The following ENTREP2 variants were observed in gnomAD, a reference collection of about 807,000 sequenced individuals.
The protein encoded by ENTREP2 is endosomal transmembrane epsin interactor 2.
At chr15:29,626,977 C>A in the ENTREP2 span, among the ~76,000 whole-genome samples, 7,264 of 152,214 alleles carry the variant, frequency 0.048, 194 homozygotes, top group Middle Eastern at 0.065. Flanking sequence ...AAAGAGCCAG[C>A]TTTTTCTTTG....
At chr15:29,436,766 G>T in the ENTREP2 span, among the ~76,000 whole-genome samples, 1 of 152,180 alleles carries the variant, frequency 6.6e-6, no homozygotes, top group Non-Finnish European at 1.5e-5. Context: ...ATCATGAAGA[G>T]AAACCAATAA....
the ENTREP2 span, among the ~76,000 whole-genome samples, chr15:29,164,767 T>G: frequency 6.6e-6 from 1 of 152,238 alleles, no homozygotes; most frequent in Non-Finnish European, 1.5e-5. Flanking sequence ...ACTAGGCAAG[T>G]CATCAAGACA....
chr15:29,485,428 A>G, the ENTREP2 span, among the ~76,000 whole-genome samples: 1 of 152,174 alleles, frequency 6.6e-6, no homozygotes, highest in Non-Finnish European at 1.5e-5. Context: ...AGGCTGCTGA[A>G]GGACTGATTC....
the ENTREP2 span, among the ~76,000 whole-genome samples, chr15:29,263,758 C>T: frequency 6.6e-6 from 1 of 152,154 alleles, no homozygotes; most frequent in Non-Finnish European, 1.5e-5. Flanking sequence ...TTCCCATAGG[C>T]ATGAGCAAAC....
chr15:29,401,091 A>C, the ENTREP2 span, among the ~76,000 whole-genome samples: 14 of 152,336 alleles, frequency 9.2e-5, no homozygotes, highest in African/African-American at 3.1e-4. Context: ...CCCAAAGTGG[A>C]GCCACCCCAG....
the ENTREP2 span, among the ~76,000 whole-genome samples, chr15:29,164,368 A>T: frequency 6.6e-6 from 1 of 152,200 alleles, no homozygotes; most frequent in Non-Finnish European, 1.5e-5. Context: ...AATGGCCTAA[A>T]TGCTCTACTT....
chr15:29,425,199 G>GTTT, the ENTREP2 span, among the ~76,000 whole-genome samples: 352 of 133,168 alleles, frequency 2.6e-3, no homozygotes, highest in African/African-American at 7.0e-3. Flanking sequence ...CAGGTTTTTT[G>GTTT]TTTTTTTTTT....
chr15:29,301,739 T>C, the ENTREP2 span, among the ~76,000 whole-genome samples: 1 of 151,934 alleles, frequency 6.6e-6, no homozygotes, highest in Non-Finnish European at 1.5e-5. Flanking sequence ...TATTAAGAGG[T>C]GAGGTCTTTG....
At chr15:29,540,123 T>A in the ENTREP2 span, among the ~76,000 whole-genome samples, 2 of 152,142 alleles carry the variant, frequency 1.3e-5, no homozygotes, top group South Asian at 2.1e-4. Flanking sequence ...TCTGGGACCC[T>A]TATCCACAGT....
At chr15:29,630,988 AAATTTTATTTCTCT>A in the ENTREP2 span, among the ~76,000 whole-genome samples, 1 of 152,184 alleles carries the variant, frequency 6.6e-6, no homozygotes, top group Non-Finnish European at 1.5e-5. Context: ...TAGATTGAGT[AAATTTTATTTCTCT>A]ATTCTCACAT....
the ENTREP2 span, among the ~76,000 whole-genome samples, chr15:29,249,703 G>A: frequency 1.4e-4 from 22 of 152,198 alleles, no homozygotes; most frequent in African/African-American, 3.1e-4. Context: ...CACTGAACAG[G>A]TGTATTAGTC....
the ENTREP2 span, among the ~76,000 whole-genome samples, chr15:29,534,262 G>C: frequency 6.6e-6 from 1 of 152,080 alleles, no homozygotes; most frequent in African/African-American, 2.4e-5. Context: ...TCTCGCTGGA[G>C]TGTCTGAGAG....
chr15:29,327,620 G>A, the ENTREP2 span, among the ~76,000 whole-genome samples: 8,384 of 148,024 alleles, frequency 0.057, 764 homozygotes, highest in African/African-American at 0.2. Context: ...AGAGGGTAAA[G>A]ATCTGAACAA....
At chr15:29,354,279 G>A in the ENTREP2 span, among the ~76,000 whole-genome samples, 39 of 152,218 alleles carry the variant, frequency 2.6e-4, 2 homozygotes, top group Admixed American at 2.2e-3. Context: ...TCAGGCCTTC[G>A]GGCTCTGGCT....
At chr15:29,424,199 T>G in the ENTREP2 span, among the ~76,000 whole-genome samples, 1 of 152,200 alleles carries the variant, frequency 6.6e-6, no homozygotes, top group Non-Finnish European at 1.5e-5. Context: ...GCAAGCTTTA[T>G]TGCCAAGAGC....
the ENTREP2 span, chr15:29,234,553 T>C: frequency 2.1e-6 from 3 of 1,400,896 alleles, no homozygotes; most frequent in Non-Finnish European, 3.0e-6. Flanking sequence ...TAGCAACAGA[T>C]GTGGCAGCAC....
the ENTREP2 span, among the ~76,000 whole-genome samples, chr15:29,258,212 C>CAAA: frequency 4.9e-3 from 577 of 118,254 alleles, 8 homozygotes; most frequent in African/African-American, 0.017. Context: ...GGCTCAGTCT[C>CAAA]AAAAAAAAAA....
the ENTREP2 span, among the ~76,000 whole-genome samples, chr15:29,222,889 TTGTC>T: frequency 6.6e-6 from 1 of 152,254 alleles, no homozygotes; most frequent in Admixed American, 6.5e-5. Context: ...GTTTAAGTTT[TTGTC>T]TGGTCTCTAA....
chr15:29,594,402 T>C, the ENTREP2 span, among the ~76,000 whole-genome samples: 1 of 152,180 alleles, frequency 6.6e-6, no homozygotes, highest in East Asian at 1.9e-4. Flanking sequence ...AACTCTCACC[T>C]GGGAGCAGCC....
Sources: allele counts gnomAD v4.1 joint callset (sites outside exome capture counted in the v4.1 genomes callset), GRCh38; gene constraint gnomAD v4.1.1; transcripts MANE v1.5; gene names NCBI Gene and HGNC (gene_info 2026-07-23, HGNC 2026-07-21).